SEH1L: variants seen among roughly 807,000 people sequenced by gnomAD.
The protein encoded by SEH1L is SEH1 like nucleoporin.
A neutral mutation model predicts 49.5 loss-of-function variants in SEH1L; 18 were observed. The observed-to-expected ratio is 0.36, with a 90% confidence interval of 0.25 to 0.54. The LOEUF (loss-of-function observed/expected upper bound fraction) is 0.54, where lower values mean the gene tolerates loss of function less well. SEH1L is among the 20% of genes least tolerant of loss of function. SEH1L has a pLI of 0.87. For missense variants in SEH1L, 404 were observed against 528.8 expected, an observed-to-expected ratio of 0.76 and a Z score of 2.31; for synonymous variants, 169 against 178.1, an observed-to-expected ratio of 0.95 and a Z score of 0.41.
At chr18:12,976,117 C>T (rs574662264) in intron 5 of SEH1L, among the ~76,000 whole-genome samples, 1 of 152,326 alleles carries the variant, frequency 6.6e-6, no homozygotes, top group Non-Finnish European at 1.5e-5. Flanking sequence ...TTCGGTATTT[C>T]AATGTCTGTG....
chr18:12,979,460 G>A (rs1475161654), intron 6 of SEH1L, among the ~76,000 whole-genome samples: 1 of 151,344 alleles, frequency 6.6e-6, no homozygotes, highest in Non-Finnish European at 1.5e-5. Context: ...AGTCTCCCAT[G>A]TCTACTTCTT....
chr18:12,986,517 G>T (rs1461085969), intron 8 of SEH1L: 31 of 970,404 alleles, frequency 3.2e-5, no homozygotes, highest in Non-Finnish European at 3.8e-5. Flanking sequence ...GTACAGAATA[G>T]CATCAGATGT....
At chr18:12,950,334 C>A (rs1313589964) in intron 1 of SEH1L, among the ~76,000 whole-genome samples, 1 of 152,148 alleles carries the variant, frequency 6.6e-6, no homozygotes, top group East Asian at 1.9e-4. Context: ...CCTTGCCCAG[C>A]CCTCTTAGGT....
In SEH1L at chr18:12,963,385, T is replaced by C. The variant is rs181937800; in HGVS notation, c.521+14T>C. 3 of 1,587,794 alleles carry C rather than the reference T, an allele frequency of 1.9e-6. No homozygotes were observed. The South Asian group carries it at 3.3e-5, about 18-fold the overall frequency. ...GAACCCTTCAAGGTAAGTTTACATA[T>C]TAAACCTCTGATAACATCCTAGTAA... On this transcript the variant is annotated intron_variant, in intron 4 of 8. Transcript: ENST00000399892.
chr18:12,955,648 T>G, intron 3 of SEH1L, 39 bp downstream of exon 3: 1 of 1,605,604 alleles, frequency 6.2e-7, no homozygotes, highest in Non-Finnish European at 8.5e-7. Flanking sequence ...CGGGAAGACA[T>G]GAGCAGCCAA....
At chr18:12,975,645 T>G (rs1598969735) in intron 5 of SEH1L, 4 of 948,498 alleles carry the variant, frequency 4.2e-6, no homozygotes, top group Non-Finnish European at 5.0e-6. Flanking sequence ...TTTTGGAGAG[T>G]GGTGCTTGCC....
At position 12,948,231 on chromosome 18, in the gene SEH1L, A is replaced by G; in HGVS notation, c.110A>G (p.Lys37Arg). The change falls in exon 1 of 9, where the codon AAG becomes AGG. Residue 37 changes from lysine to arginine, a missense_variant and splice_region_variant. By Grantham distance (26) the Lys-to-Arg change is conservative. This residue lies in a region of SEH1L where 57 missense variants were observed against 71.9 expected (regional missense o/e 0.79). Coordinates refer to ENST00000399892, the MANE Select transcript of SEH1L (RefSeq NM_001013437.2). ...MATCSSDQSV[K>R]VWDKSESGDW... ...ACCTGCTCCAGCGATCAGAGCGTTA[A>G]GGTGCGCGCGGCGCTTGCGGGCGGG... 1 of 1,607,854 alleles carries G rather than the reference A, an allele frequency of 6.2e-7. No individual in the cohort carries two copies. Among genetic ancestry groups the G allele is most frequent in the Non-Finnish European group, 8.5e-7 (1 of 1,176,784 alleles).
chr18:12,974,611 G>T (rs2031841035), intron 5 of SEH1L: 1 of 152,150 alleles, frequency 6.6e-6, no homozygotes, highest in Non-Finnish European at 1.5e-5. Flanking sequence ...TCACCATTTA[G>T]TAGACAGGAG....
At chr18:12,958,376 A>G (rs530617194) in intron 3 of SEH1L, among the ~76,000 whole-genome samples, 3 of 152,228 alleles carry the variant, frequency 2.0e-5, no homozygotes, top group Non-Finnish European at 4.4e-5. Context: ...GTGAGCCACC[A>G]TGCCTGGCCC....
intron 8 of SEH1L, chr18:12,985,754 A>C (rs1356405319): frequency 1.0e-6 from 1 of 952,398 alleles, no homozygotes; most frequent in Non-Finnish European, 1.3e-6. Flanking sequence ...CTTTTTGTAG[A>C]TTTGCTTTAT....
intron 6 of SEH1L, among the ~76,000 whole-genome samples, chr18:12,982,178 T>C (rs1174511229): frequency 6.6e-6 from 1 of 152,200 alleles, no homozygotes; most frequent in East Asian, 1.9e-4. Context: ...GCCCTGCCTT[T>C]TTAAATTAAT....
Position 12,984,367 on chromosome 18 carries a change from A to C in SEH1L, c.1070+177A>C, listed in dbSNP as rs1008344513. The C allele has an allele frequency of 3.5e-5, 23 of 660,838 alleles. No individual in the cohort carries two copies. The East Asian group carries it at 5.9e-4, about 17-fold the overall frequency. 40.9% of individuals were successfully genotyped at this position (660,838 alleles called of 1,614,324 possible). ...TGTATTTGGCTTACTTGGTCATAAT[A>C]TTTGCAGGTAGGTTATGAAGTCATT... On this transcript the variant is annotated intron_variant, in intron 8 of 8. Coordinates refer to ENST00000399892, the MANE Select transcript of SEH1L (RefSeq NM_001013437.2).
intron 2 of SEH1L, among the ~76,000 whole-genome samples, chr18:12,953,097 A>G (rs1304581702): frequency 1.3e-5 from 2 of 152,184 alleles, no homozygotes; most frequent in African/African-American, 2.4e-5. Flanking sequence ...TATCCTTTCT[A>G]GAAATTTCAT....
chr18:12,986,179 G>T, intron 8 of SEH1L: 1 of 985,144 alleles, frequency 1.0e-6, no homozygotes, highest in Non-Finnish European at 1.2e-6. Flanking sequence ...TTCATGTCCT[G>T]TAAAGTTCTG....
intron 1 of SEH1L, 167 bp downstream of exon 1, chr18:12,948,399 T>G: frequency 1.9e-6 from 1 of 526,104 alleles, no homozygotes. Context: ...GCCCGCGTAT[T>G]GTGGGGTCAC....
chr18:12,967,425 A>G (rs2145634392), intron 4 of SEH1L, among the ~76,000 whole-genome samples: 1 of 152,356 alleles, frequency 6.6e-6, no homozygotes, highest in Middle Eastern at 3.4e-3. Context: ...CTTCAGCAGC[A>G]TCCACAGGGT....
intron 6 of SEH1L, 148 bp from the exon 7 acceptor site, chr18:12,982,370 C>G: frequency 1.9e-6 from 1 of 518,788 alleles, no homozygotes; most frequent in Non-Finnish European, 3.3e-6. Context: ...GGGGTTTGGG[C>G]AGATGTGCAC....
chr18:12,970,194 T>C (rs956576972), intron 4 of SEH1L, among the ~76,000 whole-genome samples: 1 of 152,116 alleles, frequency 6.6e-6, no homozygotes, highest in Non-Finnish European at 1.5e-5. Context: ...TACAGAGATA[T>C]TAATTAATCT....
chr18:12,979,756 C>T (rs1199464760), intron 6 of SEH1L, among the ~76,000 whole-genome samples: 2 of 134,568 alleles, frequency 1.5e-5, no homozygotes, highest in Non-Finnish European at 3.2e-5. Context: ...GCTGACCCCC[C>T]CACCTCCCTC....
Sources: gnomAD v4.1 joint callset for allele counts (sites outside exome capture counted in the v4.1 genomes callset) on GRCh38, gnomAD v4.1.1 for gene constraint, gnomAD v4.1.1 regional missense constraint, MANE v1.5 for transcripts, NCBI Gene and HGNC (gene_info 2026-07-23, HGNC 2026-07-21) for gene names.